The following TMEM178B variants were observed in gnomAD, a reference collection of about 807,000 sequenced individuals.
TMEM178B encodes transmembrane protein 178B.
Under a neutral mutation model 31.0 loss-of-function variants are expected in TMEM178B, and 5 were observed. The observed-to-expected ratio is 0.16, with a 90% confidence interval of 0.08 to 0.34. The LOEUF (loss-of-function observed/expected upper bound fraction) is 0.34, where lower values mean the gene tolerates loss of function less well. Ranked by LOEUF, TMEM178B falls within the 10% of genes least tolerant of loss-of-function variation. TMEM178B has a pLI of 1.00. For missense variants in TMEM178B, 275 were observed against 400.3 expected (o/e 0.69, Z 2.67); for synonymous variants, 164 against 164.0 (o/e 1.00, Z 0.00).
At chr7:141,217,431 A>G (rs1797175088) in intron 2 of TMEM178B, among the ~76,000 whole-genome samples, 1 of 152,146 alleles carries the variant, frequency 6.6e-6, no homozygotes, top group Admixed American at 6.5e-5. Context: ...CTGAGAGGTG[A>G]GTGCATCCGT....
At chr7:141,180,463 CAAAA>C (rs57969132) in intron 1 of TMEM178B, among the ~76,000 whole-genome samples, 4 of 83,284 alleles carry the variant, frequency 4.8e-5, no homozygotes, top group African/African-American at 1.8e-4. Context: ...GAGCCCATCT[CAAAA>C]AAAAAAAAAA....
intron 3 of TMEM178B, among the ~76,000 whole-genome samples, chr7:141,460,755 C>T (rs1044669542): frequency 2.0e-5 from 3 of 152,212 alleles, no homozygotes; most frequent in East Asian, 1.9e-4. Context: ...GCTTGACTCC[C>T]GAGTTCCACT....
chr7:141,247,154 T>C (rs532219425), intron 2 of TMEM178B, among the ~76,000 whole-genome samples: 102 of 152,016 alleles, frequency 6.7e-4, no homozygotes, highest in African/African-American at 2.4e-3. Context: ...TTTGTGGAAA[T>C]AGATATTTAT....
At chr7:141,342,033 C>T (rs921086158) in intron 2 of TMEM178B, among the ~76,000 whole-genome samples, 1 of 152,164 alleles carries the variant, frequency 6.6e-6, no homozygotes, top group African/African-American at 2.4e-5. Context: ...CTGCAACCTC[C>T]GCCTCCTGGG....
chr7:141,140,552 T>A (rs971491864), intron 1 of TMEM178B, among the ~76,000 whole-genome samples: 6 of 152,250 alleles, frequency 3.9e-5, no homozygotes, highest in African/African-American at 1.4e-4. Context: ...TCAGTATTAA[T>A]GCAAGTTCAT....
At chr7:141,223,243 A>T (rs534667165) in intron 2 of TMEM178B, among the ~76,000 whole-genome samples, 1 of 152,242 alleles carries the variant, frequency 6.6e-6, no homozygotes, top group South Asian at 2.1e-4. Flanking sequence ...GTTAGGGTGG[A>T]GGGGAGGCCA....
At chr7:141,336,837 CCATCATAACCATTACCATCACTACCAT>C in intron 2 of TMEM178B, among the ~76,000 whole-genome samples, 4 of 146,696 alleles carry the variant, frequency 2.7e-5, no homozygotes, top group African/African-American at 1.0e-4. Context: ...ACCATCACCA[CCATCATAACCATTACCATCACTACCAT>C]CATCATCACC....
intron 2 of TMEM178B, among the ~76,000 whole-genome samples, chr7:141,437,032 A>C (rs1801557596): frequency 6.6e-6 from 1 of 152,088 alleles, no homozygotes; most frequent in Admixed American, 6.5e-5. Flanking sequence ...GAGTTGAAGG[A>C]ACAGAACACC....
chr7:141,295,710 A>G (rs1430252481), intron 2 of TMEM178B, among the ~76,000 whole-genome samples: 1 of 148,014 alleles, frequency 6.8e-6, no homozygotes, highest in African/African-American at 2.5e-5. Flanking sequence ...ATCTTGTATC[A>G]AGAGAGGCAA....
intron 2 of TMEM178B, among the ~76,000 whole-genome samples, chr7:141,421,681 T>C (rs1302145634): frequency 6.6e-6 from 1 of 152,150 alleles, no homozygotes; most frequent in African/African-American, 2.4e-5. Context: ...TATAGAAAAT[T>C]CTTAGAACAT....
intron 1 of TMEM178B, among the ~76,000 whole-genome samples, chr7:141,207,524 A>G (rs1796986104): frequency 6.6e-6 from 1 of 152,134 alleles, no homozygotes; most frequent in South Asian, 2.1e-4. Flanking sequence ...TTCAATTCGC[A>G]TTTCCCTGAT....
intron 1 of TMEM178B, among the ~76,000 whole-genome samples, chr7:141,143,454 C>A (rs1227287512): frequency 6.6e-6 from 1 of 152,194 alleles, no homozygotes; most frequent in Non-Finnish European, 1.5e-5. Flanking sequence ...GCTATCCCAG[C>A]ACCACTTATT....
In TMEM178B at chr7:141,417,908, CAT is replaced by C. The variant is rs1434630386; in HGVS notation, c.497-19699_497-19698del. On this transcript the variant is annotated intron_variant, in intron 2 of 3. Transcript: ENST00000565468. ...CTGAGGCCCAATGATATTAAGGTCA[CAT>C]GACTAGTAAGAGGTAGATCCAGAGC... 4.6e-5 allele frequency among the ~76,000 whole-genome samples: 7 copies of C among 152,282 alleles called. No homozygotes were observed. The East Asian group carries it at 1.4e-3, about 29-fold the overall frequency.
chr7:141,364,659 CAA>C (rs980786132), intron 2 of TMEM178B, among the ~76,000 whole-genome samples: 4,589 of 47,090 alleles, frequency 0.097, 50 homozygotes, highest in South Asian at 0.15. Context: ...GACTCTGTCT[CAA>C]AAAAAAAAAA....
At chr7:141,162,983 G>A (rs1373794211) in intron 1 of TMEM178B, among the ~76,000 whole-genome samples, 5 of 152,200 alleles carry the variant, frequency 3.3e-5, no homozygotes, top group African/African-American at 1.2e-4. Context: ...CAAAGTTGAG[G>A]TTTTAAAGCA....
rs117349407 is a variant in TMEM178B, at chr7:141,157,759, G to A, written c.383-54832G>A. ...AGGTAACAGTGATGACGCTTCCGGCGTGATGCCTGGCACATCATGGTGATA... is the reference window on the plus strand; with the variant it reads ...AGGTAACAGTGATGACGCTTCCGGCATGATGCCTGGCACATCATGGTGATA... On this transcript the variant is annotated intron_variant, in intron 1 of 3. Transcript: ENST00000565468. 6.0e-4 allele frequency among the ~76,000 whole-genome samples: 92 copies of A among 152,300 alleles called. No individual in the cohort carries two copies. The East Asian group carries it at 6.8e-3, about 11-fold the overall frequency.
intron 2 of TMEM178B, among the ~76,000 whole-genome samples, chr7:141,275,845 C>G (rs1020639029): frequency 7.9e-5 from 12 of 152,168 alleles, no homozygotes; most frequent in African/African-American, 2.9e-4. Context: ...TTGGCTGGAG[C>G]CTGGAAGCAT....
the TMEM178B span, among the ~76,000 whole-genome samples, chr7:141,488,057 G>T: frequency 6.6e-6 from 1 of 151,030 alleles, no homozygotes; most frequent in African/African-American, 2.4e-5. Flanking sequence ...TCATATACTA[G>T]AACAGTGAAG....
intron 2 of TMEM178B, among the ~76,000 whole-genome samples, chr7:141,413,323 T>C (rs1244693464): frequency 6.6e-6 from 1 of 152,236 alleles, no homozygotes; most frequent in Non-Finnish European, 1.5e-5. Flanking sequence ...GTAATTGTTG[T>C]GAGTCACATT....
Sources: allele counts gnomAD v4.1 joint callset (sites outside exome capture counted in the v4.1 genomes callset), GRCh38; gene constraint gnomAD v4.1.1; transcripts MANE v1.5; gene names NCBI Gene and HGNC (gene_info 2026-07-23, HGNC 2026-07-21).